RCAN2: variants seen among roughly 807,000 people sequenced by gnomAD.
RCAN2 encodes the protein regulator of calcineurin 2, also known as calcipressin-2.
Under a neutral mutation model 23.6 loss-of-function variants are expected in RCAN2, and 9 were observed. The ratio of observed to expected loss-of-function variants is 0.38; its 90% CI spans 0.23 to 0.67. The LOEUF is 0.67. Among genes scored for constraint, RCAN2 ranks in the 30% least tolerant of loss-of-function variants. The probability of loss-of-function intolerance (pLI) is 0.51; values close to 1 mark genes in which losing one functional copy is unlikely to be tolerated. For synonymous variants in RCAN2, 109 were observed against 115.7 expected (o/e 0.94, Z 0.37); for missense variants, 273 against 302.3 (o/e 0.90, Z 0.72).
chr6:46,460,161 T>G (rs560848953), intron 1 of RCAN2, among the ~76,000 whole-genome samples: 125 of 152,150 alleles, frequency 8.2e-4, no homozygotes, highest in African/African-American at 2.9e-3. Flanking sequence ...GGGTTCAAAG[T>G]GATCCTTCCA....
At chr6:46,478,869 T>C (rs926977550) in intron 1 of RCAN2, among the ~76,000 whole-genome samples, 3 of 152,236 alleles carry the variant, frequency 2.0e-5, no homozygotes, top group Admixed American at 1.3e-4. Flanking sequence ...TACTACTTCC[T>C]AGCCCAAATT....
At chr6:46,255,832 G>T (rs1766893748) in intron 2 of RCAN2, among the ~76,000 whole-genome samples, 1 of 152,162 alleles carries the variant, frequency 6.6e-6, no homozygotes. Flanking sequence ...TATAAAAAGG[G>T]ATGGAACAAC....
rs535290250 is a variant in RCAN2 at position 46,362,900 on chromosome 6, T to C, written c.225+93852A>G. On this transcript the variant is annotated intron_variant, in intron 2 of 4. Transcript: ENST00000371374. Reference sequence around the variant, plus strand: ...CTCTTATCAGGGGATGAAGCATTAATGATATGCAGATTTTGAACTACCGTT... The same window carrying C: ...CTCTTATCAGGGGATGAAGCATTAACGATATGCAGATTTTGAACTACCGTT... Among the ~76,000 whole-genome samples, 22 of 152,302 alleles carry C rather than the reference T, an allele frequency of 1.4e-4. No individual in the cohort carries two copies. In the South Asian group the frequency reaches 4.6e-3, roughly 32 times the overall value.
chr6:46,231,159 A>T (rs1765871732), intron 4 of RCAN2, among the ~76,000 whole-genome samples: 1 of 152,206 alleles, frequency 6.6e-6, no homozygotes, highest in African/African-American at 2.4e-5. Context: ...TGGGCTCTAC[A>T]TCAATACGAC....
rs559852582 is a variant in RCAN2 at position 46,224,629 on chromosome 6, C to T, written c.572-1328G>A. Among the ~76,000 whole-genome samples, 27 of 152,292 alleles carry T rather than the reference C, an allele frequency of 1.8e-4. No individual in the cohort carries two copies. The South Asian group carries it at 5.2e-3, about 29-fold the overall frequency. ...ACCTTCTTCCAGGATCAAAGCTAGA[C>T]CCGATGCAGCCCAGGAATCTGCTAT... On this transcript the variant is annotated intron_variant, in intron 4 of 4. Transcript: ENST00000371374.
At chr6:46,367,930 G>T (rs1582146559) in intron 2 of RCAN2, among the ~76,000 whole-genome samples, 1 of 152,170 alleles carries the variant, frequency 6.6e-6, no homozygotes, top group South Asian at 2.1e-4. Flanking sequence ...CAATTCAACT[G>T]GCTCCAACAA....
chr6:46,433,071 T>G (rs1767262956), intron 2 of RCAN2, among the ~76,000 whole-genome samples: 4 of 152,220 alleles, frequency 2.6e-5, no homozygotes, highest in Admixed American at 6.5e-5. Flanking sequence ...CTTTTTTACC[T>G]CTATGTGTCA....
chr6:46,460,719 C>A (rs1412992714), intron 1 of RCAN2, among the ~76,000 whole-genome samples: 2 of 152,106 alleles, frequency 1.3e-5, no homozygotes, highest in African/African-American at 2.4e-5. Context: ...ATCCATGTAT[C>A]TACAGGAAAA....
chr6:46,271,471 C>A (rs948671777), intron 2 of RCAN2, among the ~76,000 whole-genome samples: 2 of 152,112 alleles, frequency 1.3e-5, no homozygotes, highest in Non-Finnish European at 2.9e-5. Context: ...CGGAAACATC[C>A]AAAACAATGT....
At chr6:46,351,994 C>T (rs964238433) in intron 2 of RCAN2, among the ~76,000 whole-genome samples, 6 of 152,152 alleles carry the variant, frequency 3.9e-5, no homozygotes, top group African/African-American at 1.2e-4. Flanking sequence ...ATCAAAGACA[C>T]GCACCTTTAA....
chr6:46,386,637 T>G (rs957224321), intron 2 of RCAN2, among the ~76,000 whole-genome samples: 33 of 130,652 alleles, frequency 2.5e-4, no homozygotes, highest in African/African-American at 8.9e-4. Flanking sequence ...AAAACTAAAC[T>G]AAAAACTAAT....
intron 2 of RCAN2, among the ~76,000 whole-genome samples, chr6:46,294,708 G>C (rs1188830818): frequency 6.6e-6 from 1 of 152,104 alleles, no homozygotes; most frequent in African/African-American, 2.4e-5. Flanking sequence ...TGATCCCAAT[G>C]ATGATTAGAA....
At chr6:46,370,310 C>T (rs1250569532) in intron 2 of RCAN2, among the ~76,000 whole-genome samples, 1 of 152,178 alleles carries the variant, frequency 6.6e-6, no homozygotes, top group Admixed American at 6.5e-5. Flanking sequence ...TTCATTTCTT[C>T]AGTTTTGCCT....
chr6:46,435,435 C>T (rs141623652), intron 2 of RCAN2, among the ~76,000 whole-genome samples: 72 of 152,266 alleles, frequency 4.7e-4, no homozygotes, highest in African/African-American at 1.7e-3. Flanking sequence ...TCTCAAAGTA[C>T]TTAATGAATA....
chr6:46,224,564 C>G (rs2396593), intron 4 of RCAN2, among the ~76,000 whole-genome samples: 48,439 of 152,010 alleles, frequency 0.32, 10,807 homozygotes, highest in African/African-American at 0.63. Context: ...ACTTTTACTT[C>G]GCATAGCCTC....
chr6:46,416,445 T>G (rs560737540), intron 2 of RCAN2, among the ~76,000 whole-genome samples: 2 of 151,028 alleles, frequency 1.3e-5, no homozygotes, highest in Admixed American at 1.3e-4. Flanking sequence ...TAAACATTGT[T>G]ATTGTAGAAT....
intron 2 of RCAN2, among the ~76,000 whole-genome samples, chr6:46,259,042 C>T (rs1373230099): frequency 6.6e-6 from 1 of 152,036 alleles, no homozygotes; most frequent in Non-Finnish European, 1.5e-5. Context: ...AAAAATTAGC[C>T]TGGCACAGTG....
chr6:46,246,520 A>C (rs1488574658), intron 4 of RCAN2, among the ~76,000 whole-genome samples: 2 of 152,172 alleles, frequency 1.3e-5, no homozygotes, highest in African/African-American at 2.4e-5. Context: ...CAGAAGCTTC[A>C]TGGACTTGAC....
chr6:46,437,310 CAT>C (rs1298098654), intron 2 of RCAN2, among the ~76,000 whole-genome samples: 2 of 152,178 alleles, frequency 1.3e-5, no homozygotes, highest in Non-Finnish European at 2.9e-5. Context: ...GGTATAATAA[CAT>C]GTGTTTTGGC....
Sources: allele counts gnomAD v4.1 joint callset (sites outside exome capture counted in the v4.1 genomes callset), GRCh38; gene constraint gnomAD v4.1.1; transcripts MANE v1.5; gene names NCBI Gene and HGNC (gene_info 2026-07-23, HGNC 2026-07-21).